Variants in CREB5 observed in about 807,000 individuals in gnomAD.
CREB5 encodes the protein cyclic AMP-responsive element-binding protein 5.
A neutral mutation model predicts 57.1 loss-of-function variants in CREB5; 19 were observed. That is an observed-to-expected ratio of 0.33 (90% CI 0.23 to 0.49). CREB5 has a LOEUF of 0.49. Ranked by LOEUF, CREB5 falls within the 20% of genes least tolerant of loss-of-function variation. CREB5 has a pLI of 0.99. For missense variants in CREB5, 579 were observed against 671.6 expected (o/e 0.86, Z 1.52); for synonymous variants, 238 against 238.3 (o/e 1.00, Z 0.01).
At position 28,560,356 on chromosome 7, in the gene CREB5, T is replaced by A. The variant is rs1300144391; in HGVS notation, c.292-10009T>A. 2.0e-5 allele frequency among the ~76,000 whole-genome samples: 3 copies of A among 152,168 alleles called. No homozygotes were observed. The East Asian group carries it at 5.8e-4, about 29-fold the overall frequency. Reference sequence around the variant, plus strand: ...TTGCACAGGGGATAGTGGTAGGAGATGAGGCTGGAAATATAGGGTCTTGAA... The same window carrying A: ...TTGCACAGGGGATAGTGGTAGGAGAAGAGGCTGGAAATATAGGGTCTTGAA... On this transcript the variant is annotated intron_variant, in intron 4 of 10. Coordinates refer to ENST00000357727, the MANE Select transcript of CREB5 (RefSeq NM_182898.4).
upstream of CREB5, among the ~76,000 whole-genome samples, chr7:28,407,720 T>A (rs376230895): frequency 1.3e-4 from 20 of 152,320 alleles, no homozygotes; most frequent in East Asian, 3.1e-3. Flanking sequence ...CCCTGTGGTT[T>A]CAAGGAACAC....
intron 1 of CREB5, among the ~76,000 whole-genome samples, chr7:28,445,234 C>T (rs1466094656): frequency 6.6e-6 from 1 of 152,154 alleles, no homozygotes; most frequent in Non-Finnish European, 1.5e-5. Context: ...ATAAATTACT[C>T]AGTCTCAGGT....
chr7:28,733,805 G>T (rs1048088851), intron 7 of CREB5, among the ~76,000 whole-genome samples: 17 of 152,214 alleles, frequency 1.1e-4, no homozygotes, highest in African/African-American at 3.4e-4. Context: ...CTGATAGAAT[G>T]AAGGAAGAAA....
intron 1 of CREB5, among the ~76,000 whole-genome samples, chr7:28,343,704 G>A (rs1021726301): frequency 6.6e-6 from 1 of 152,158 alleles, no homozygotes; most frequent in Admixed American, 6.5e-5. Context: ...TGACATACTG[G>A]TTTCATTTCT....
chr7:28,453,108 T>A (rs546301876), intron 1 of CREB5, among the ~76,000 whole-genome samples: 2 of 152,324 alleles, frequency 1.3e-5, no homozygotes, highest in South Asian at 4.1e-4. Flanking sequence ...CAGGTTGCAG[T>A]TCTGAAAATT....
chr7:28,727,956 G>A (rs1212016270), intron 7 of CREB5, among the ~76,000 whole-genome samples: 2 of 151,960 alleles, frequency 1.3e-5, no homozygotes, highest in African/African-American at 4.8e-5. Context: ...TTGTTTGTTT[G>A]TTTGTTTGAG....
At chr7:28,560,863 TGCCTGCGTGC>T (rs1795115924) in intron 4 of CREB5, among the ~76,000 whole-genome samples, 3 of 24,236 alleles carry the variant, frequency 1.2e-4, no homozygotes, top group African/African-American at 1.5e-4. Context: ...TGTGTGCGTG[TGCCTGCGTGC>T]GCGTGCGTGC....
intron 8 of CREB5, among the ~76,000 whole-genome samples, chr7:28,807,597 C>T (rs1467820170): frequency 6.6e-6 from 1 of 152,072 alleles, no homozygotes; most frequent in African/African-American, 2.4e-5. Context: ...CTGATGTCAA[C>T]CAGTAGCCAT....
At chr7:28,319,900 T>G (rs1485934483) in intron 1 of CREB5, among the ~76,000 whole-genome samples, 3 of 144,710 alleles carry the variant, frequency 2.1e-5, no homozygotes, top group Admixed American at 1.4e-4. Flanking sequence ...CTACAAATAG[T>G]GTTTTTTTTT....
upstream of CREB5, chr7:28,409,627 A>G (rs1202828184): frequency 3.9e-6 from 1 of 256,772 alleles, no homozygotes; most frequent in Non-Finnish European, 7.7e-6. This position sits in a 1 kb window ranked among gnomAD's most constrained non-coding sequence, Gnocchi z 4.4. Context: ...CTGGAGGGTG[A>G]TCTGTGTTTG....
intron 5 of CREB5, among the ~76,000 whole-genome samples, chr7:28,584,965 A>G (rs1453336971): frequency 6.6e-6 from 1 of 152,152 alleles, no homozygotes; most frequent in Non-Finnish European, 1.5e-5. Flanking sequence ...ATTTGTACAG[A>G]AAGGGAACGA....
intron 1 of CREB5, among the ~76,000 whole-genome samples, chr7:28,348,641 C>T (rs1200079383): frequency 6.6e-6 from 1 of 152,172 alleles, no homozygotes; most frequent in Non-Finnish European, 1.5e-5. Flanking sequence ...GCAAAAACGG[C>T]TTGCCAACAG....
rs1048092531 is a variant in CREB5 at position 28,402,478 on chromosome 7, A to G, written c.-24-92428A>G. ...ATGGTACTGGTGCCAAAACAGAGAT[A>G]TAGACAAATGGAACAGAACAGAGCC... On this transcript the variant is annotated intron_variant, in intron 1 of 9. Coordinates refer to the CREB5 transcript ENST00000396299. Among the ~76,000 whole-genome samples, 4 of 152,220 alleles carry G rather than the reference A, an allele frequency of 2.6e-5. No individual in the cohort carries two copies. The South Asian group carries it at 8.3e-4, about 32-fold the overall frequency.
intron 7 of CREB5, among the ~76,000 whole-genome samples, chr7:28,755,661 C>A (rs548346802): frequency 6.6e-6 from 1 of 152,288 alleles, no homozygotes; most frequent in South Asian, 2.1e-4. Context: ...AAAAAACTTA[C>A]TAAGCTAGGA....
At chr7:28,524,011 G>T (rs1793319112) in intron 4 of CREB5, among the ~76,000 whole-genome samples, 1 of 152,190 alleles carries the variant, frequency 6.6e-6, no homozygotes, top group Admixed American at 6.5e-5. Flanking sequence ...CGTGGAAGGA[G>T]CTCTGTGAAG....
chr7:28,619,671 T>C (rs546433213), intron 5 of CREB5, among the ~76,000 whole-genome samples: 1 of 152,234 alleles, frequency 6.6e-6, no homozygotes, highest in African/African-American at 2.4e-5. Context: ...ATCTCTAAAA[T>C]AAATGTGTCA....
intron 1 of CREB5, among the ~76,000 whole-genome samples, chr7:28,479,542 A>G (rs1399416602): frequency 6.6e-6 from 1 of 152,210 alleles, no homozygotes; most frequent in African/African-American, 2.4e-5. Context: ...ACCTCCTAGT[A>G]CTGTCAAATG....
chr7:28,344,668 A>G (rs1395251735), intron 1 of CREB5, among the ~76,000 whole-genome samples: 1 of 152,164 alleles, frequency 6.6e-6, no homozygotes, highest in Non-Finnish European at 1.5e-5. Flanking sequence ...TCTATCAATA[A>G]TTATTTTGAA....
At chr7:28,693,835 T>C (rs1209131548) in intron 5 of CREB5, among the ~76,000 whole-genome samples, 1 of 152,354 alleles carries the variant, frequency 6.6e-6, no homozygotes, top group East Asian at 1.9e-4. Flanking sequence ...TTTGGAAGTC[T>C]GGATAATAAT....
Sources: gnomAD v4.1 joint callset for allele counts (sites outside exome capture counted in the v4.1 genomes callset) on GRCh38, gnomAD v4.1.1 for gene constraint, Gnocchi (gnomAD v3.1) non-coding constraint, MANE v1.5 for transcripts, NCBI Gene and HGNC (gene_info 2026-07-23, HGNC 2026-07-21) for gene names.